The following TMEM132B variants were observed in gnomAD, a reference collection of about 807,000 sequenced individuals.
TMEM132B encodes transmembrane protein 132B.
A neutral mutation model predicts 90.8 loss-of-function variants in TMEM132B; 18 were observed. That is an observed-to-expected ratio of 0.20 (90% CI 0.14 to 0.29). The LOEUF (loss-of-function observed/expected upper bound fraction) is 0.29. TMEM132B is among the 10% of genes least tolerant of loss of function. The pLI, the probability that TMEM132B is intolerant of heterozygous loss-of-function variation, is 1.00. For missense variants in TMEM132B, 1,096 were observed against 1,326.8 expected (o/e 0.83, Z 2.70); for synonymous variants, 504 against 523.3 (o/e 0.96, Z 0.50).
intron 4 of TMEM132B, among the ~76,000 whole-genome samples, chr12:125,581,655 G>A (rs1885057076): frequency 6.6e-6 from 1 of 152,066 alleles, no homozygotes; most frequent in South Asian, 2.1e-4. Context: ...GGAAGGAAGA[G>A]GGATGCTCAT....
chr12:125,228,927 G>A (rs545804195), intron 1 of TMEM132B, among the ~76,000 whole-genome samples: 1 of 152,298 alleles, frequency 6.6e-6, no homozygotes, highest in Admixed American at 6.5e-5. Flanking sequence ...CCTAAGAGAG[G>A]AGTGTAGGAG....
At chr12:125,629,083 G>C (rs1249631789) in intron 5 of TMEM132B, among the ~76,000 whole-genome samples, 4 of 152,094 alleles carry the variant, frequency 2.6e-5, no homozygotes, top group Non-Finnish European at 5.9e-5. Context: ...CAGGTAATGT[G>C]ATTCCTCCAG....
intron 3 of TMEM132B, among the ~76,000 whole-genome samples, chr12:125,506,285 AT>A (rs1167211611): frequency 6.6e-6 from 1 of 152,234 alleles, no homozygotes; most frequent in Non-Finnish European, 1.5e-5. Context: ...ATTCTGTGTG[AT>A]TCCAATTTAT....
At chr12:125,414,160 A>G (rs1226183476) in intron 2 of TMEM132B, among the ~76,000 whole-genome samples, 1 of 152,042 alleles carries the variant, frequency 6.6e-6, no homozygotes, top group Non-Finnish European at 1.5e-5. Flanking sequence ...TCTAGTCAAG[A>G]CCTTTGCTGA....
intron 1 of TMEM132B, among the ~76,000 whole-genome samples, chr12:125,230,901 C>T (rs1873805034): frequency 6.6e-6 from 1 of 152,232 alleles, no homozygotes; most frequent in South Asian, 2.1e-4. Context: ...GTTGTTGGTT[C>T]GTGGCCTGTC....
At chr12:125,357,774 C>G (rs777871569) in intron 2 of TMEM132B, among the ~76,000 whole-genome samples, 2 of 152,184 alleles carry the variant, frequency 1.3e-5, no homozygotes, top group Non-Finnish European at 2.9e-5. Context: ...CCCTCCAGGA[C>G]TTGATGTTAT....
chr12:125,617,573 G>A (rs1350629313), intron 5 of TMEM132B, among the ~76,000 whole-genome samples: 4 of 152,008 alleles, frequency 2.6e-5, no homozygotes, highest in African/African-American at 9.7e-5. Context: ...TCAAACTCCC[G>A]ACCTCAGGTG....
chr12:125,339,468 A>G (rs1877098639), intron 1 of TMEM132B, among the ~76,000 whole-genome samples: 2 of 152,236 alleles, frequency 1.3e-5, no homozygotes, highest in Non-Finnish European at 2.9e-5. Context: ...GGACAGCATG[A>G]AAAGGGCTGC....
intron 5 of TMEM132B, among the ~76,000 whole-genome samples, chr12:125,636,724 C>T (rs781647298): frequency 7.2e-5 from 11 of 152,134 alleles, no homozygotes; most frequent in South Asian, 6.2e-4. Flanking sequence ...TTGTCCCATA[C>T]GGGAAATAGA....
chr12:125,247,705 C>G (rs1388658597), intron 1 of TMEM132B, among the ~76,000 whole-genome samples: 3 of 152,150 alleles, frequency 2.0e-5, no homozygotes, highest in Admixed American at 6.5e-5. Flanking sequence ...AGAACAGCAT[C>G]CCCCTGGCCA....
intron 1 of TMEM132B, among the ~76,000 whole-genome samples, chr12:125,256,619 G>T (rs1874445406): frequency 6.6e-6 from 1 of 152,224 alleles, no homozygotes; most frequent in Non-Finnish European, 1.5e-5. Flanking sequence ...GCCCTTTACA[G>T]AAAACATTTG....
chr12:125,420,388 A>G (rs1012530035), intron 3 of TMEM132B, among the ~76,000 whole-genome samples: 2 of 152,164 alleles, frequency 1.3e-5, no homozygotes, highest in Non-Finnish European at 2.9e-5. Context: ...CCAACACCAC[A>G]TGTAAGCTGC....
rs2136556831 is a variant in TMEM132B, at chr12:125,490,825, T to C, written c.1107-28614T>C. 1.3e-5 allele frequency among the ~76,000 whole-genome samples: 2 copies of C among 152,330 alleles called. No individual in the cohort carries two copies. The highest frequency in any genetic ancestry group is 2.1e-4 in the South Asian group (1 of 4,824). The stretch of plus-strand genomic sequence containing the variant: ...TGACTTACTTCTGTAAAGTACTCTA[T>C]GGTGAAAGCAATGTGCCACTTAAAA... On this transcript the variant is annotated intron_variant, in intron 3 of 8. Transcript: ENST00000682704. This position sits in a 1 kb window ranked among gnomAD's most constrained non-coding sequence, Gnocchi z 4.2.
At position 125,534,213 on chromosome 12, in the gene TMEM132B, GT is replaced by G. The variant is rs201817940; in HGVS notation, c.1293+14594del. 4.7e-3 allele frequency among the ~76,000 whole-genome samples: 721 copies of G among 152,288 alleles called. 9 individuals are homozygous for G. Among genetic ancestry groups the G allele is most frequent in the African/African-American group, 0.015 (636 of 41,552 alleles). On this transcript the variant is annotated intron_variant, in intron 4 of 8. Transcript: ENST00000682704. Reference sequence around the variant, plus strand: ...CCATTAATCACTACAAGGAATACTGGTTTTTTAAAAATCACCTTGCTGGCTG... The same window carrying G: ...CCATTAATCACTACAAGGAATACTGGTTTTTAAAAATCACCTTGCTGGCTG...
intron 1 of TMEM132B, among the ~76,000 whole-genome samples, chr12:125,281,859 T>C (rs1875188801): frequency 6.6e-6 from 1 of 151,400 alleles, no homozygotes; most frequent in Non-Finnish European, 1.5e-5. Context: ...AAACCCCGTC[T>C]CTACTAAATA....
intron 1 of TMEM132B, among the ~76,000 whole-genome samples, chr12:125,214,268 C>A (rs1873383951): frequency 6.6e-6 from 1 of 152,248 alleles, no homozygotes; most frequent in South Asian, 2.1e-4. Flanking sequence ...TAATTGCCAT[C>A]ATCAAGACCC....
chr12:125,460,967 A>G lies in TMEM132B; in HGVS notation c.1106+45290A>G, dbSNP rs76246413. On this transcript the variant is annotated intron_variant, in intron 3 of 8. Coordinates refer to ENST00000682704, the MANE Select transcript of TMEM132B (RefSeq NM_001366854.1). This position sits in a 1 kb window ranked among gnomAD's most constrained non-coding sequence, Gnocchi z 4.4. ...CTTCATATTTTCCCACATGTCCTGT[A>G]TTCATTAATGAAACAAAGGAAAGGT... 6.4e-3 allele frequency among the ~76,000 whole-genome samples: 976 copies of G among 152,352 alleles called. 7 individuals are homozygous for G. Among genetic ancestry groups the G allele is most frequent in the Non-Finnish European group, 0.011 (772 of 68,032 alleles).
In TMEM132B at chr12:125,650,909, G is replaced by A. The variant is rs200968619; in HGVS notation, c.1870G>A (p.Gly624Ser). 210 of 1,613,286 alleles carry A rather than the reference G, an allele frequency of 1.3e-4. No individual in the cohort carries two copies. Among genetic ancestry groups the A allele is most frequent in the Non-Finnish European group, 1.7e-4 (195 of 1,180,016 alleles). The change falls in exon 7 of 9, where the codon GGC becomes AGC. Residue 624 changes from glycine (G) to serine (S), a missense_variant. By Grantham distance (56) the Gly-to-Ser change is moderately conservative (BLOSUM62 0). Transcript: ENST00000682704. ...EEPKIAQLQD[G>S]RTLAGREPGI... ...GCCGAAAATCGCTCAGTTACAGGACGGCAGGACCCTGGCTGGTCGGGAGCC... is the reference window on the plus strand; with the variant it reads ...GCCGAAAATCGCTCAGTTACAGGACAGCAGGACCCTGGCTGGTCGGGAGCC...
intron 1 of TMEM132B, among the ~76,000 whole-genome samples, chr12:125,212,234 G>A (rs966241425): frequency 2.0e-5 from 3 of 152,208 alleles, no homozygotes; most frequent in Non-Finnish European, 4.4e-5. Flanking sequence ...TGGGCATGGA[G>A]AACCTTTAAG....
Sources: allele counts gnomAD v4.1 joint callset (sites outside exome capture counted in the v4.1 genomes callset), GRCh38; gene constraint gnomAD v4.1.1; non-coding constraint Gnocchi (gnomAD v3.1); transcripts MANE v1.5; gene names NCBI Gene and HGNC (gene_info 2026-07-23, HGNC 2026-07-21).